The following NFYC variants were observed in gnomAD, a reference collection of about 807,000 sequenced individuals.
NFYC encodes nuclear transcription factor Y subunit gamma.
Under a neutral mutation model 53.1 loss-of-function variants are expected in NFYC, and 25 were observed. The observed-to-expected ratio is 0.47, with a 90% CI of 0.34 to 0.66. The LOEUF (loss-of-function observed/expected upper bound fraction) is 0.66, where lower values mean the gene tolerates loss of function less well. NFYC is among the 30% of genes least tolerant of loss of function. The pLI is 0.01. For missense variants in NFYC, 260 were observed against 422.7 expected (o/e 0.62, Z 3.38); for synonymous variants, 145 against 152.6 (o/e 0.95, Z 0.37).
chr1:40,731,402 T>C (rs530128114), intron 1 of NFYC, among the ~76,000 whole-genome samples: 4 of 150,982 alleles, frequency 2.6e-5, no homozygotes, highest in African/African-American at 9.7e-5. Context: ...CTTGAACTCC[T>C]GACCTCAGGT....
intron 7 of NFYC, chr1:40,766,048 A>AC (rs3841830): frequency 0.21 from 32,674 of 152,594 alleles, 4,147 homozygotes; most frequent in South Asian, 0.42. Flanking sequence ...AGCCCCACAG[A>AC]CCCCCATCCA....
intron 4 of NFYC, among the ~76,000 whole-genome samples, chr1:40,751,330 C>CA (rs1273628076): frequency 6.6e-6 from 1 of 152,130 alleles, no homozygotes; most frequent in Non-Finnish European, 1.5e-5. Context: ...TGATAGAAAT[C>CA]AGAGTTGTGG....
chr1:40,750,220 T>C (rs565244291), intron 4 of NFYC, among the ~76,000 whole-genome samples: 1 of 152,164 alleles, frequency 6.6e-6, no homozygotes, highest in Non-Finnish European at 1.5e-5. Flanking sequence ...CCCTTGGTCA[T>C]TGACTCTAGA....
At chr1:40,763,134 C>G (rs1362132080) in intron 7 of NFYC, 88 bp downstream of exon 7, 1 of 1,135,098 alleles carries the variant, frequency 8.8e-7, no homozygotes, top group African/African-American at 1.6e-5. Flanking sequence ...ATGTATATCT[C>G]TATATATACC....
intron 1 of NFYC, among the ~76,000 whole-genome samples, chr1:40,708,054 A>G (rs1643806029): frequency 6.6e-6 from 1 of 152,170 alleles, no homozygotes; most frequent in Non-Finnish European, 1.5e-5. Flanking sequence ...ACATATGCAG[A>G]CTTTTTTTCT....
At chr1:40,712,117 G>A (rs1557757352) in intron 1 of NFYC, among the ~76,000 whole-genome samples, 3 of 152,242 alleles carry the variant, frequency 2.0e-5, no homozygotes, top group South Asian at 2.1e-4. Context: ...GGGATGAAAC[G>A]TTTATGAAGA....
chr1:40,752,806 A>C (rs747084552), intron 4 of NFYC, among the ~76,000 whole-genome samples: 5 of 152,128 alleles, frequency 3.3e-5, no homozygotes, highest in African/African-American at 4.8e-5. Flanking sequence ...TATAAACCTA[A>C]CTTTGCTAAC....
At chr1:40,703,073 T>A (rs1643518910) in intron 1 of NFYC, among the ~76,000 whole-genome samples, 1 of 152,190 alleles carries the variant, frequency 6.6e-6, no homozygotes. Context: ...CACCTCGGCC[T>A]CCCAAAGTGT....
intron 1 of NFYC, among the ~76,000 whole-genome samples, chr1:40,730,799 CAGTG>C (rs1321038144): frequency 6.6e-6 from 1 of 152,192 alleles, no homozygotes; most frequent in Non-Finnish European, 1.5e-5. Flanking sequence ...TTGCATTTGA[CAGTG>C]AGAGCATTAT....
chr1:40,745,096 T>C (rs919773894), intron 2 of NFYC, among the ~76,000 whole-genome samples: 3 of 152,216 alleles, frequency 2.0e-5, no homozygotes, highest in Admixed American at 1.3e-4. Context: ...TTCTGCCTCA[T>C]TTTACATCTC....
chr1:40,720,452 T>C (rs1322610059), intron 1 of NFYC, among the ~76,000 whole-genome samples: 4 of 152,218 alleles, frequency 2.6e-5, no homozygotes, highest in Non-Finnish European at 4.4e-5. Context: ...CCCACTCTTG[T>C]GGCTCTTCCA....
chr1:40,771,061 A>G lies in NFYC; in HGVS notation c.*233A>G, dbSNP rs996961102. 1 of 580,830 alleles carries G rather than the reference A, an allele frequency of 1.7e-6. No homozygotes were observed. The highest frequency in any genetic ancestry group is 3.1e-6 in the Non-Finnish European group (1 of 326,494). 36.0% of individuals were successfully genotyped at this position (580,830 alleles called of 1,614,324 possible). On this transcript the variant is annotated 3_prime_UTR_variant, in exon 10 of 10. Transcript: ENST00000447388. ...TTCTCTAAGGAATCAATATTTCAAT[A>G]TGTTGAGTGTGTGTCCAATGCTATG...
At chr1:40,715,408 CTT>C (rs778550066) in intron 1 of NFYC, among the ~76,000 whole-genome samples, 4 of 145,934 alleles carry the variant, frequency 2.7e-5, no homozygotes, top group Admixed American at 1.4e-4. Flanking sequence ...AAAACAAAAA[CTT>C]TTTTTTTTTT....
intron 6 of NFYC, among the ~76,000 whole-genome samples, 189 bp from the exon 7 acceptor site, chr1:40,762,699 C>G (rs756742425): frequency 2.6e-5 from 4 of 152,030 alleles, no homozygotes; most frequent in Non-Finnish European, 5.9e-5. Context: ...GTTTTTCTTT[C>G]GTTTTGGAGA....
intron 1 of NFYC, among the ~76,000 whole-genome samples, chr1:40,702,347 T>C (rs1429860582): frequency 6.6e-6 from 1 of 151,138 alleles, no homozygotes; most frequent in African/African-American, 2.4e-5. Flanking sequence ...AGAACTTTTT[T>C]TTTTTTTTTT....
At chr1:40,747,840 G>GT (rs1645693160) in intron 3 of NFYC, among the ~76,000 whole-genome samples, 2 of 149,412 alleles carry the variant, frequency 1.3e-5, no homozygotes, top group African/African-American at 5.0e-5. Context: ...GTTGATGTTG[G>GT]GTTTTTTTTT....
intron 6 of NFYC, among the ~76,000 whole-genome samples, chr1:40,759,583 G>A (rs1646430170): frequency 6.6e-6 from 1 of 151,850 alleles, no homozygotes; most frequent in Non-Finnish European, 1.5e-5. Context: ...GTGTATGTGT[G>A]TGTGTATTAT....
In NFYC at chr1:40,731,626, A is replaced by G. The variant is rs6701796; in HGVS notation, c.-8-7210A>G. Among the ~76,000 whole-genome samples, 1,204 of 152,128 alleles carry G rather than the reference A, an allele frequency of 7.9e-3. 14 individuals carry two copies. The highest frequency in any genetic ancestry group is 0.028 in the African/African-American group (1,158 of 41,510). On this transcript the variant is annotated intron_variant, in intron 1 of 9. Coordinates refer to ENST00000447388, the MANE Select transcript of NFYC (RefSeq NM_014223.5). ...CAGCCTCCTGAGTAGCTGGGACTAC[A>G]GGTGTACGCCACCACACCCAGCTAA...
chr1:40,764,605 T>G (rs928633507), intron 7 of NFYC, among the ~76,000 whole-genome samples: 35 of 152,180 alleles, frequency 2.3e-4, no homozygotes, highest in African/African-American at 8.2e-4. Context: ...CCCAGAAGAT[T>G]TGTTGCAGAA....
Sources: gnomAD v4.1 joint callset for allele counts (sites outside exome capture counted in the v4.1 genomes callset) on GRCh38, gnomAD v4.1.1 for gene constraint, MANE v1.5 for transcripts, NCBI Gene and HGNC (gene_info 2026-07-23, HGNC 2026-07-21) for gene names.